ZNF385D: variants seen among roughly 807,000 people sequenced by gnomAD.
ZNF385D encodes zinc finger protein 385D.
ZNF385D carries 15 observed loss-of-function variants against 35.8 expected under a neutral mutation model. The ratio of observed to expected loss-of-function variants is 0.42; its 90% CI spans 0.28 to 0.64. ZNF385D has a LOEUF of 0.64. ZNF385D is among the 30% of genes least tolerant of loss of function. ZNF385D has a pLI of 0.23. For synonymous variants in ZNF385D, 212 were observed against 186.8 expected (o/e 1.13, Z -1.10); for missense variants, 474 against 494.6 (o/e 0.96, Z 0.39).
At chr3:21,662,594 C>T (rs764231415) in intron 2 of ZNF385D, among the ~76,000 whole-genome samples, 27 of 152,234 alleles carry the variant, frequency 1.8e-4, no homozygotes, top group South Asian at 8.3e-4. Flanking sequence ...TCAAAAGCTA[C>T]CTGATTATGG....
chr3:21,921,017 C>G (rs993937331), intron 3 of ZNF385D, among the ~76,000 whole-genome samples: 4 of 151,516 alleles, frequency 2.6e-5, no homozygotes, highest in Admixed American at 6.6e-5. Context: ...AGATGGAGAC[C>G]ATCCTGGCTA....
At chr3:21,648,454 G>A (rs1331132740) in intron 2 of ZNF385D, among the ~76,000 whole-genome samples, 1 of 152,148 alleles carries the variant, frequency 6.6e-6, no homozygotes, top group Non-Finnish European at 1.5e-5. Context: ...AATACCGGCT[G>A]TATAGAGTGC....
chr3:22,136,330 C>G (rs9869056), intron 3 of ZNF385D, among the ~76,000 whole-genome samples: 150,982 of 152,264 alleles, frequency 0.99, 74,861 homozygotes, highest in Middle Eastern at 1. Flanking sequence ...AGAGGTTGCA[C>G]TGAGCCAAGA....
chr3:22,156,598 C>T (rs1705600204), intron 3 of ZNF385D, among the ~76,000 whole-genome samples: 1 of 152,064 alleles, frequency 6.6e-6, no homozygotes, highest in Admixed American at 6.6e-5. Flanking sequence ...TAGTTTTCCC[C>T]CAGTACATGT....
At chr3:22,194,798 G>C (rs1696297366) in intron 2 of ZNF385D, among the ~76,000 whole-genome samples, 1 of 151,908 alleles carries the variant, frequency 6.6e-6, no homozygotes, top group Admixed American at 6.6e-5. Flanking sequence ...ATGGTTTTTA[G>C]ATACTTCCAA....
At chr3:21,891,540 T>G (rs1698868225) in intron 3 of ZNF385D, among the ~76,000 whole-genome samples, 1 of 152,170 alleles carries the variant, frequency 6.6e-6, no homozygotes, top group African/African-American at 2.4e-5. Flanking sequence ...ATATAAGACA[T>G]GGGTTTATTT....
chr3:22,034,782 T>C (rs574536179), intron 3 of ZNF385D, among the ~76,000 whole-genome samples: 1 of 152,248 alleles, frequency 6.6e-6, no homozygotes, highest in South Asian at 2.1e-4. Context: ...TTAGGCATGG[T>C]AGAACAGCAA....
intron 3 of ZNF385D, among the ~76,000 whole-genome samples, chr3:21,838,718 C>A (rs1489963105): frequency 6.6e-6 from 1 of 152,150 alleles, no homozygotes; most frequent in East Asian, 1.9e-4. Flanking sequence ...ATGATCACAA[C>A]CCTGTCTCTT....
chr3:22,118,419 G>A (rs1481736540), intron 3 of ZNF385D, among the ~76,000 whole-genome samples: 5 of 152,036 alleles, frequency 3.3e-5, no homozygotes, highest in Non-Finnish European at 4.4e-5. Context: ...TAACATCTGA[G>A]ATTGCATTTG....
intron 2 of ZNF385D, among the ~76,000 whole-genome samples, chr3:21,573,990 G>A (rs1473444631): frequency 6.6e-6 from 1 of 151,290 alleles, no homozygotes; most frequent in Admixed American, 6.6e-5. Flanking sequence ...AACCCGGGAG[G>A]TGGAGGTTGC....
intron 2 of ZNF385D, among the ~76,000 whole-genome samples, chr3:21,610,732 G>A (rs1170666555): frequency 2.0e-5 from 3 of 151,070 alleles, no homozygotes; most frequent in African/African-American, 2.4e-5. Flanking sequence ...CCGAGATCGC[G>A]CCACTGCACT....
At chr3:22,319,907 C>T (rs933386173) in intron 2 of ZNF385D, among the ~76,000 whole-genome samples, 3 of 152,014 alleles carry the variant, frequency 2.0e-5, no homozygotes, top group Admixed American at 2.0e-4. Context: ...GTACCTGTTG[C>T]TATGTCCCAT....
intron 2 of ZNF385D, among the ~76,000 whole-genome samples, chr3:21,601,559 G>A (rs1559449085): frequency 6.6e-6 from 1 of 152,160 alleles, no homozygotes; most frequent in Non-Finnish European, 1.5e-5. Context: ...AGCTACCAGA[G>A]CAACTTCTTC....
chr3:22,273,826 C>A (rs1701294467), intron 2 of ZNF385D, among the ~76,000 whole-genome samples: 1 of 151,860 alleles, frequency 6.6e-6, no homozygotes, highest in African/African-American at 2.4e-5. Flanking sequence ...AGGTTACATA[C>A]AATTTGCACA....
At chr3:21,964,441 A>AAAG (rs1702777826) in intron 3 of ZNF385D, among the ~76,000 whole-genome samples, 2 of 143,370 alleles carry the variant, frequency 1.4e-5, no homozygotes, top group African/African-American at 2.6e-5. Flanking sequence ...AAGAAAAAAA[A>AAAG]AAAAAGAAAA....
At chr3:21,808,288 T>C (rs1575686880) in intron 3 of ZNF385D, among the ~76,000 whole-genome samples, 1 of 152,220 alleles carries the variant, frequency 6.6e-6, no homozygotes, top group African/African-American at 2.4e-5. Context: ...AGTCCCCTTC[T>C]AACACACACT....
intron 2 of ZNF385D, among the ~76,000 whole-genome samples, chr3:21,618,699 A>C (rs1282519856): frequency 6.6e-6 from 1 of 152,186 alleles, no homozygotes; most frequent in Non-Finnish European, 1.5e-5. Context: ...GGCAAGGATG[A>C]GTATGTTAAA....
intron 2 of ZNF385D, among the ~76,000 whole-genome samples, chr3:21,662,505 T>G (rs551558703): frequency 5.3e-5 from 8 of 152,334 alleles, no homozygotes; most frequent in East Asian, 3.9e-4. Flanking sequence ...ACCGAATTTT[T>G]GGGTTTTGAT....
intron 3 of ZNF385D, among the ~76,000 whole-genome samples, chr3:21,849,245 T>C (rs1012359086): frequency 1.3e-5 from 2 of 151,528 alleles, no homozygotes; most frequent in African/African-American, 2.4e-5. Context: ...CTCTACTTCA[T>C]GCATCTTACA....
Sources: gnomAD v4.1 joint callset for allele counts (sites outside exome capture counted in the v4.1 genomes callset) on GRCh38, gnomAD v4.1.1 for gene constraint, MANE v1.5 for transcripts, NCBI Gene and HGNC (gene_info 2026-07-23, HGNC 2026-07-21) for gene names.